ZNF543: variants seen among roughly 807,000 people sequenced by gnomAD.
ZNF543 encodes the protein zinc finger protein 543.
In ZNF543, 10 loss-of-function variants were observed where a neutral mutation model predicts 13.4. The ratio of observed to expected loss-of-function variants is 0.75; its 90% CI spans 0.46 to 1.26. The LOEUF (loss-of-function observed/expected upper bound fraction) is 1.26. Ranked by LOEUF, ZNF543 falls within the 50% of genes most tolerant of loss-of-function variation. ZNF543 has a pLI of 0.00. For missense variants in ZNF543, 768 were observed against 741.2 expected (o/e 1.04, Z -0.42); for synonymous variants, 272 against 264.7 (o/e 1.03, Z -0.27).
chr19:57,327,593 C>T (rs1334658488), intron 3 of ZNF543, 111 bp from the exon 4 acceptor site: 4 of 1,424,274 alleles, frequency 2.8e-6, no homozygotes, highest in Non-Finnish European at 3.8e-6. Flanking sequence ...GATCTGCCTG[C>T]CTTGGCCTCC....
intron 2 of ZNF543, among the ~76,000 whole-genome samples, chr19:57,325,742 G>A (rs1751427622): frequency 6.6e-6 from 1 of 152,128 alleles, no homozygotes; most frequent in African/African-American, 2.4e-5. Flanking sequence ...AGTAGAGATG[G>A]GGTTTCACCA....
chr19:57,325,114 A>T (rs940109481), intron 2 of ZNF543, among the ~76,000 whole-genome samples: 2 of 152,186 alleles, frequency 1.3e-5, no homozygotes, highest in African/African-American at 4.8e-5. Context: ...TGAGACCCAA[A>T]GAGTGAGTTG....
At chr19:57,323,934 T>G in intron 2 of ZNF543, 126 bp downstream of exon 2, 2 of 1,208,500 alleles carry the variant, frequency 1.7e-6, no homozygotes, top group South Asian at 1.4e-5. Context: ...CCATTGGCTC[T>G]GAGCGTAGCA....
At position 57,328,126 on chromosome 19, in the gene ZNF543, A is replaced by G. The variant is rs374127433; in HGVS notation, c.664A>G (p.Thr222Ala). 3.1e-6 allele frequency: 5 copies of G among 1,614,268 alleles called. No homozygotes were observed. The highest frequency in any genetic ancestry group is 4.2e-6 in the Non-Finnish European group (5 of 1,180,052). Residue 222 changes from threonine to alanine, a missense_variant, in exon 4 of 4, where the codon ACT becomes GCT. By Grantham distance (58) the Thr-to-Ala change is moderately conservative (BLOSUM62 0). Transcript: ENST00000321545. ...CCTTGTTCAGCATGAACGGATTCAC[A>G]CTCAAGTGAAGCCCTATGAATGCAC... ...ALLVQHERIH[T>A]QVKPYECTEC...
At chr19:57,323,447 C>A (rs955764551) in intron 1 of ZNF543, among the ~76,000 whole-genome samples, 1 of 152,090 alleles carries the variant, frequency 6.6e-6, no homozygotes, top group Non-Finnish European at 1.5e-5. Flanking sequence ...CCTTCATGGC[C>A]CCCCAAAGTG....
intron 1 of ZNF543, among the ~76,000 whole-genome samples, chr19:57,321,120 ACCT>A (rs1178041574): frequency 1.3e-5 from 2 of 151,738 alleles, no homozygotes; most frequent in African/African-American, 4.8e-5. Context: ...CTTAAATCCA[ACCT>A]CCTCTGTTGC....
intron 2 of ZNF543, among the ~76,000 whole-genome samples, chr19:57,325,104 T>C (rs2088113310): frequency 6.6e-6 from 1 of 152,190 alleles, no homozygotes; most frequent in African/African-American, 2.4e-5. Flanking sequence ...ACATTTGAGC[T>C]GAGACCCAAA....
chr19:57,325,146 G>T (rs1329775702), intron 2 of ZNF543, among the ~76,000 whole-genome samples: 1 of 152,170 alleles, frequency 6.6e-6, no homozygotes, highest in African/African-American at 2.4e-5. Flanking sequence ...CAAGATAGAG[G>T]AGCAAGTAGT....
intron 1 of ZNF543, among the ~76,000 whole-genome samples, chr19:57,322,482 C>CAAA (rs34137895): frequency 0.13 from 16,551 of 128,206 alleles, 965 homozygotes; most frequent in South Asian, 0.16. Context: ...GACCCTGTCT[C>CAAA]AAAAAAAAAA....
At chr19:57,327,608 G>T (rs936186931) in intron 3 of ZNF543, 96 bp from the exon 4 acceptor site, 1 of 1,489,448 alleles carries the variant, frequency 6.7e-7, no homozygotes, top group Non-Finnish European at 8.9e-7. Flanking sequence ...GCCTCCCAAA[G>T]TGCTGGGATT....
intron 2 of ZNF543, among the ~76,000 whole-genome samples, chr19:57,324,786 AG>A (rs898479108): frequency 2.5e-4 from 36 of 146,278 alleles, no homozygotes; most frequent in African/African-American, 9.0e-4. Flanking sequence ...CCATAGGAGT[AG>A]CAATGTAATG....
At chr19:57,326,489 T>C (rs2088121432) in intron 2 of ZNF543, 144 bp from the exon 3 acceptor site, 2 of 611,370 alleles carry the variant, frequency 3.3e-6, no homozygotes, top group South Asian at 4.3e-5. Flanking sequence ...GTGGTTGTTT[T>C]ATGGTCACGG....
chr19:57,323,153 G>A (rs1225467629), intron 1 of ZNF543, among the ~76,000 whole-genome samples: 1 of 151,598 alleles, frequency 6.6e-6, no homozygotes, highest in Non-Finnish European at 1.5e-5. Context: ...TGTGTGAAGT[G>A]GCTTTCTGCA....
intron 1 of ZNF543, among the ~76,000 whole-genome samples, chr19:57,322,928 T>A (rs1272103381): frequency 6.6e-6 from 1 of 152,164 alleles, no homozygotes; most frequent in Non-Finnish European, 1.5e-5. Context: ...CTCAGGAGTC[T>A]GACTCCTGAG....
intron 1 of ZNF543, among the ~76,000 whole-genome samples, chr19:57,321,318 C>A (rs1167535149): frequency 1.3e-5 from 2 of 152,216 alleles, no homozygotes; most frequent in Non-Finnish European, 2.9e-5. Flanking sequence ...GCCTCCCTCT[C>A]ATATCTTTCT....
Position 57,321,268 on chromosome 19 carries a change from C to T in ZNF543, c.18+397C>T, listed in dbSNP as rs2088088544. 2.0e-5 allele frequency among the ~76,000 whole-genome samples: 3 copies of T among 152,212 alleles called. No homozygotes were observed. The South Asian group carries it at 6.2e-4, about 32-fold the overall frequency. On this transcript the variant is annotated intron_variant, in intron 1 of 3. Transcript: ENST00000321545. Reference sequence around the variant, plus strand: ...CCTTTTTCCAGGCTTTCTCTTTGCACTTCCCTTTGCCTTGAACACTGCCCC... The same window carrying T: ...CCTTTTTCCAGGCTTTCTCTTTGCATTTCCCTTTGCCTTGAACACTGCCCC...
At chr19:57,325,727 T>C (rs570977485) in intron 2 of ZNF543, among the ~76,000 whole-genome samples, 27 of 152,126 alleles carry the variant, frequency 1.8e-4, no homozygotes, top group Non-Finnish European at 3.1e-4. Context: ...ACTTTTTGTA[T>C]TTTTAGTAGA....
rs1301601286 is a variant in ZNF543, at chr19:57,330,092, G to A, written c.*827G>A. ...CAACGTTCTCCACTCTCGAGGTGCA[G>A]AAGCATACATCTTTATAAAAAATAT... On this transcript the variant is annotated 3_prime_UTR_variant, in exon 4 of 4. Transcript: ENST00000321545. 6.6e-6 allele frequency: 1 copy of A among 152,110 alleles called. No individual in the cohort carries two copies. Among genetic ancestry groups the A allele is most frequent in the African/African-American group, 2.4e-5 (1 of 41,416 alleles). The allele number at this position is 152,110 out of a possible 1,614,324, so 9.4% of individuals were successfully genotyped here. A position where few individuals can be genotyped will look rare whatever the true frequency, so the allele number is the denominator to read the frequency against.
chr19:57,329,215 T>C lies in ZNF543; in HGVS notation c.1753T>C (p.Leu585=), dbSNP rs2088147180. 10 of 1,613,004 alleles carry C rather than the reference T, an allele frequency of 6.2e-6. No individual in the cohort carries two copies. The East Asian group carries it at 2.0e-4, about 32-fold the overall frequency. ...AQTSVNIQEL[L]LGKEFLNITT... Reference sequence around the variant, plus strand: ...GACTTCAGTCAACATCCAGGAACTTTTATTAGGGAAAGAGTTTTTGAATAT... The same window carrying C: ...GACTTCAGTCAACATCCAGGAACTTCTATTAGGGAAAGAGTTTTTGAATAT... The change falls in exon 4 of 4, where the codon TTA becomes CTA. Residue 585 remains leucine (L), a synonymous_variant. Transcript: ENST00000321545.
Sources: gnomAD v4.1 joint callset for allele counts (sites outside exome capture counted in the v4.1 genomes callset) on GRCh38, gnomAD v4.1.1 for gene constraint, MANE v1.5 for transcripts, NCBI Gene and HGNC (gene_info 2026-07-23, HGNC 2026-07-21) for gene names.